The following SMYD3 variants were observed in gnomAD, a reference collection of about 807,000 sequenced individuals.
SMYD3 encodes histone-lysine N-methyltransferase SMYD3.
A neutral mutation model predicts 57.7 loss-of-function variants in SMYD3; 36 were observed. That is an observed-to-expected ratio of 0.62 (90% CI 0.48 to 0.82). The LOEUF (loss-of-function observed/expected upper bound fraction) is 0.82. Among genes scored for constraint, SMYD3 ranks in the 40% least tolerant of loss-of-function variants. The pLI, the probability that SMYD3 is intolerant of heterozygous loss-of-function variation, is 0.00. For missense variants in SMYD3, 515 were observed against 538.8 expected, an observed-to-expected ratio of 0.96 and a Z score of 0.44; for synonymous variants, 211 against 195.0, an observed-to-expected ratio of 1.08 and a Z score of -0.68.
At chr1:245,919,756 A>G (rs1398086382) in intron 7 of SMYD3, among the ~76,000 whole-genome samples, 2 of 152,196 alleles carry the variant, frequency 1.3e-5, no homozygotes, top group East Asian at 1.9e-4. Context: ...GTGGGAATGT[A>G]TATGTGAAAC....
At chr1:246,275,622 C>T (rs1355677719) in intron 5 of SMYD3, among the ~76,000 whole-genome samples, 5 of 137,052 alleles carry the variant, frequency 3.6e-5, no homozygotes. Context: ...TTTTCACTAG[C>T]CGTATTAACA....
chr1:245,910,627 A>G (rs1410243390), intron 8 of SMYD3, among the ~76,000 whole-genome samples: 1 of 152,108 alleles, frequency 6.6e-6, no homozygotes, highest in African/African-American at 2.4e-5. Context: ...AAATCCACAC[A>G]TTTAGTCAAT....
chr1:246,313,134 G>C (rs1331517514), intron 5 of SMYD3, among the ~76,000 whole-genome samples: 1 of 151,986 alleles, frequency 6.6e-6, no homozygotes, highest in East Asian at 1.9e-4. Context: ...TCCAACTCCT[G>C]AGCTCAAGCG....
At chr1:246,292,093 C>T (rs571744864) in intron 5 of SMYD3, among the ~76,000 whole-genome samples, 145 of 151,722 alleles carry the variant, frequency 9.6e-4, no homozygotes, top group East Asian at 1.2e-3. Flanking sequence ...CTTAGACTTA[C>T]TATCCAACAC....
intron 5 of SMYD3, among the ~76,000 whole-genome samples, chr1:246,224,070 C>G (rs938818218): frequency 9.9e-5 from 15 of 152,054 alleles, no homozygotes; most frequent in Non-Finnish European, 2.2e-4. Flanking sequence ...TTTGGGGGTT[C>G]TGTTTTATCT....
rs568847250 is a variant in SMYD3, at chr1:245,854,484, T to C, written c.1076+4012A>G. Among the ~76,000 whole-genome samples, 366 of 152,328 alleles carry C rather than the reference T, an allele frequency of 2.4e-3. 1 individual carries two copies. Among genetic ancestry groups the C allele is most frequent in the Non-Finnish European group, 4.0e-3 (274 of 68,028 alleles). On this transcript the variant is annotated intron_variant, in intron 10 of 11. Coordinates refer to ENST00000490107, the MANE Select transcript of SMYD3 (RefSeq NM_001167740.2). ...CATATCCATGAGATGAAATACTATG[T>C]ATCTGTTAAAAAGAATAAGGTAGCT...
At chr1:246,342,278 C>G (rs1238730493) in intron 2 of SMYD3, among the ~76,000 whole-genome samples, 1 of 152,174 alleles carries the variant, frequency 6.6e-6, no homozygotes, top group Non-Finnish European at 1.5e-5. Flanking sequence ...ACTTACTCCA[C>G]TCACAAACAA....
At chr1:246,445,967 TAATG>T (rs1268967251) in intron 1 of SMYD3, among the ~76,000 whole-genome samples, 1 of 152,184 alleles carries the variant, frequency 6.6e-6, no homozygotes, top group African/African-American at 2.4e-5. Context: ...AATGCATAAC[TAATG>T]AATTTCCCAC....
At chr1:246,194,548 T>C (rs1014012096) in intron 5 of SMYD3, among the ~76,000 whole-genome samples, 2 of 152,342 alleles carry the variant, frequency 1.3e-5, no homozygotes, top group African/African-American at 4.8e-5. Flanking sequence ...ATTACAGGCG[T>C]CAGCCACTGC....
chr1:245,761,091 T>C (rs1379151577), intron 11 of SMYD3, among the ~76,000 whole-genome samples: 1 of 152,208 alleles, frequency 6.6e-6, no homozygotes. Flanking sequence ...TGCTCCTTGG[T>C]TGATCATCAG....
At chr1:246,395,781 TGGTCAGACAGGGAAGAGGAACCCACCAC>T (rs2066658749) in intron 1 of SMYD3, among the ~76,000 whole-genome samples, 25 of 134,044 alleles carry the variant, frequency 1.9e-4, no homozygotes, top group African/African-American at 4.7e-4. Context: ...GAACCCACCA[TGGTCAGACAGGGAAGAGGAACCCACCAC>T]GGCTGGACAG....
chr1:245,887,977 A>C (rs2053178361), intron 8 of SMYD3, among the ~76,000 whole-genome samples: 1 of 152,240 alleles, frequency 6.6e-6, no homozygotes, highest in African/African-American at 2.4e-5. Context: ...AGGAGACTTA[A>C]GTCTATTTAA....
At chr1:246,047,038 A>G (rs1303853999) in intron 5 of SMYD3, among the ~76,000 whole-genome samples, 1 of 152,210 alleles carries the variant, frequency 6.6e-6, no homozygotes, top group East Asian at 1.9e-4. Flanking sequence ...ATGTTCCTGA[A>G]GAGGAGGTTA....
intron 5 of SMYD3, among the ~76,000 whole-genome samples, chr1:246,240,546 T>C (rs928078773): frequency 3.3e-5 from 5 of 151,830 alleles, no homozygotes; most frequent in African/African-American, 1.2e-4. Context: ...CTTTGTTCTT[T>C]TGGCTTAGGA....
intron 5 of SMYD3, among the ~76,000 whole-genome samples, chr1:246,151,076 T>C (rs539364115): frequency 6.6e-6 from 1 of 152,180 alleles, no homozygotes; most frequent in East Asian, 1.9e-4. Flanking sequence ...TGAAACCCTG[T>C]CTCTACTAAA....
rs1183739329 is a variant in SMYD3 at position 246,335,363 on chromosome 1, T to C, written c.336+4A>G. The stretch of plus-strand genomic sequence containing the variant: ...CAGCTATATTTCATGAGTTTTATAC[T>C]CACAAGTTTGAAGACAACTCTGCCA... On this transcript the variant is annotated splice_donor_region_variant and intron_variant, in intron 3 of 11. Transcript: ENST00000490107. 6 of 1,613,510 alleles carry C rather than the reference T, an allele frequency of 3.7e-6. No homozygotes were observed. In the South Asian group the frequency reaches 5.5e-5, roughly 15 times the overall value.
At chr1:245,826,517 A>C (rs1458702800) in intron 10 of SMYD3, among the ~76,000 whole-genome samples, 1 of 152,088 alleles carries the variant, frequency 6.6e-6, no homozygotes, top group African/African-American at 2.4e-5. Flanking sequence ...ATCCAGCCAA[A>C]ATTTCCTTGT....
At chr1:246,282,305 CAAAAAAAAAAAAAAAAAAAAAAAAA>C (rs57740230) in intron 5 of SMYD3, among the ~76,000 whole-genome samples, 4 of 67,956 alleles carry the variant, frequency 5.9e-5, no homozygotes, top group African/African-American at 2.7e-4. Context: ...CTCATCTCTA[CAAAAAAAAAAAAAAAAAAAAAAAAA>C]AAAAAAAAAA....
intron 7 of SMYD3, among the ~76,000 whole-genome samples, chr1:245,923,746 G>A (rs948561170): frequency 2.0e-5 from 3 of 152,128 alleles, no homozygotes; most frequent in Non-Finnish European, 4.4e-5. Flanking sequence ...CTGTAAGCCT[G>A]TGCCCATTTA....
Sources: gnomAD v4.1 joint callset for allele counts (sites outside exome capture counted in the v4.1 genomes callset) on GRCh38, gnomAD v4.1.1 for gene constraint, MANE v1.5 for transcripts, NCBI Gene and HGNC (gene_info 2026-07-23, HGNC 2026-07-21) for gene names.